CCDC7: variants seen among roughly 807,000 people sequenced by gnomAD.
CCDC7 encodes the protein coiled-coil domain-containing protein 7.
CCDC7 carries 183 observed loss-of-function variants against 196.9 expected under a neutral mutation model. The observed-to-expected ratio is 0.93, with a 90% confidence interval of 0.82 to 1.05. The LOEUF is 1.05. CCDC7 is among the 50% of genes least tolerant of loss of function. The probability of loss-of-function intolerance (pLI) is 0.00; values close to 1 mark genes in which losing one functional copy is unlikely to be tolerated. For missense variants in CCDC7, 1,540 were observed against 1,482.2 expected, an observed-to-expected ratio of 1.04 and a Z score of -0.64; for synonymous variants, 525 against 484.6, an observed-to-expected ratio of 1.08 and a Z score of -1.10.
At chr10:32,869,256 C>T (rs1170799159) in intron 41 of CCDC7, among the ~76,000 whole-genome samples, 2 of 152,148 alleles carry the variant, frequency 1.3e-5, no homozygotes, top group African/African-American at 4.8e-5. Flanking sequence ...TCAATGATCG[C>T]CATTCTAACT....
upstream of CCDC7, chr10:32,446,109 T>A (rs7908213): frequency 3.3e-5 from 5 of 152,044 alleles, no homozygotes; most frequent in African/African-American, 1.2e-4. Context: ...CGCCAAGGCG[T>A]CGTGGCGTCG....
intron 18 of CCDC7, among the ~76,000 whole-genome samples, chr10:32,611,135 T>C (rs1333899418): frequency 6.6e-6 from 1 of 152,260 alleles, no homozygotes; most frequent in African/African-American, 2.4e-5. Flanking sequence ...TGAGATGGTA[T>C]CTCATTGTGG....
At chr10:32,572,567 T>A (rs528692065) in intron 16 of CCDC7, among the ~76,000 whole-genome samples, 83 of 152,268 alleles carry the variant, frequency 5.5e-4, no homozygotes, top group African/African-American at 1.8e-3. Flanking sequence ...AAATGTTCAT[T>A]TTAAATGTTT....
intron 28 of CCDC7, among the ~76,000 whole-genome samples, chr10:32,768,005 G>C (rs531521124): frequency 6.6e-6 from 1 of 152,168 alleles, no homozygotes; most frequent in Admixed American, 6.5e-5. Context: ...CTCAACAGCA[G>C]AAGTGATCAA....
chr10:32,532,049 A>G (rs531213247), intron 11 of CCDC7, among the ~76,000 whole-genome samples: 1 of 151,940 alleles, frequency 6.6e-6, no homozygotes, highest in Non-Finnish European at 1.5e-5. Context: ...TTTCTGCTTT[A>G]ATCTTCATTA....
intron 21 of CCDC7, among the ~76,000 whole-genome samples, chr10:32,664,385 C>T (rs1305704632): frequency 6.6e-6 from 1 of 151,910 alleles, no homozygotes; most frequent in Admixed American, 6.6e-5. Context: ...TAAAATTTCT[C>T]TTAGCAATTT....
At chr10:32,523,207 GT>G (rs1311760926) in intron 11 of CCDC7, among the ~76,000 whole-genome samples, 1 of 152,136 alleles carries the variant, frequency 6.6e-6, no homozygotes, top group Non-Finnish European at 1.5e-5. Context: ...TAAGTTTGAT[GT>G]TTCTTTGTTG....
chr10:32,715,578 G>A (rs1462512680), intron 25 of CCDC7, among the ~76,000 whole-genome samples: 1 of 152,204 alleles, frequency 6.6e-6, no homozygotes, highest in Non-Finnish European at 1.5e-5. Context: ...GTAGGCTTCA[G>A]GAGGTGGGTA....
chr10:32,511,418 T>C, intron 9 of CCDC7: 1 of 1,610,340 alleles, frequency 6.2e-7, no homozygotes, highest in Non-Finnish European at 8.5e-7. Flanking sequence ...TCTGTCCAGC[T>C]TGCCAGCCTT....
chr10:32,760,488 C>T (rs1237122426), intron 28 of CCDC7, among the ~76,000 whole-genome samples: 5 of 152,018 alleles, frequency 3.3e-5, no homozygotes, highest in East Asian at 3.9e-4. Context: ...AGCAAACTAT[C>T]GCAAGGATAA....
chr10:32,712,302 G>A (rs1229870472), intron 25 of CCDC7, among the ~76,000 whole-genome samples: 2 of 152,186 alleles, frequency 1.3e-5, no homozygotes, highest in African/African-American at 2.4e-5. Context: ...TTTACTTTTC[G>A]AGTCAGAGCT....
chr10:32,802,633 C>T (rs927053105), intron 29 of CCDC7, among the ~76,000 whole-genome samples: 6 of 152,132 alleles, frequency 3.9e-5, no homozygotes, highest in African/African-American at 1.2e-4. Context: ...AGGTGAGGTT[C>T]CTCAGTAGGC....
At position 32,865,433 on chromosome 10, in the gene CCDC7, G is replaced by A. The variant is rs559845691; in HGVS notation, c.4112-10914G>A. 6.1e-3 allele frequency among the ~76,000 whole-genome samples: 885 copies of A among 146,122 alleles called. 3 individuals are homozygous for A. The highest frequency in any genetic ancestry group is 0.017 in the Middle Eastern group (5 of 290). ...CACACACACACACACACACACACAC[G>A]AGAATGGCTAAAGTTATAAAGTGAC... On this transcript the variant is annotated intron_variant, in intron 41 of 41. Coordinates refer to ENST00000639629, the Ensembl canonical transcript of CCDC7.
chr10:32,709,679 G>A (rs11009048), intron 24 of CCDC7, among the ~76,000 whole-genome samples: 1 of 151,880 alleles, frequency 6.6e-6, no homozygotes, highest in Non-Finnish European at 1.5e-5. Flanking sequence ...ACCTACTGCT[G>A]TGTGACCCGG....
At chr10:32,605,936 C>T (rs1302100003) in intron 18 of CCDC7, among the ~76,000 whole-genome samples, 1 of 152,194 alleles carries the variant, frequency 6.6e-6, no homozygotes, top group Non-Finnish European at 1.5e-5. Flanking sequence ...GAGCCAGGTG[C>T]TCATAGCCAA....
At chr10:32,446,964 TC>T (rs1564594705), upstream of CCDC7, among the ~76,000 whole-genome samples, 2 of 93,360 alleles carry the variant, frequency 2.1e-5, no homozygotes, top group African/African-American at 9.7e-5. Context: ...CCTCCCTCCC[TC>T]CCTCCCTCCC....
chr10:32,801,875 C>G (rs1441361152), intron 29 of CCDC7, among the ~76,000 whole-genome samples: 1 of 152,176 alleles, frequency 6.6e-6, no homozygotes, highest in Admixed American at 6.5e-5. Context: ...AGGCTGTTTC[C>G]TCCGCCCAAA....
At chr10:32,556,085 G>A (rs2054291907) in intron 13 of CCDC7, among the ~76,000 whole-genome samples, 1 of 152,212 alleles carries the variant, frequency 6.6e-6, no homozygotes, top group South Asian at 2.1e-4. Context: ...GGCCAACTGA[G>A]TTTCAAGAAG....
In CCDC7 at chr10:32,686,070, AC is replaced by A; in HGVS notation, c.2225del (p.Pro742HisfsTer28). On this transcript the variant is annotated frameshift_variant, in exon 22 of 42. Coordinates refer to ENST00000639629, the Ensembl canonical transcript of CCDC7. LOFTEE classifies it high-confidence loss of function. The stretch of plus-strand genomic sequence containing the variant: ...AGAAACAAGAAACTTCTACAGAGCA[AC>A]CACTCACCAGTAAGTATAAAAATTA... The A allele has an allele frequency of 7.0e-7, 1 of 1,426,318 alleles. No homozygotes were observed. The highest frequency in any genetic ancestry group is 1.4e-5 in the African/African-American group (1 of 70,350). The allele number at this position is 1,426,318 out of a possible 1,614,324, so 88.4% of individuals were successfully genotyped here. A position where few individuals can be genotyped will look rare whatever the true frequency, so the allele number is the denominator to read the frequency against.
Sources: allele counts gnomAD v4.1 joint callset (sites outside exome capture counted in the v4.1 genomes callset), GRCh38; gene constraint gnomAD v4.1.1; transcripts MANE v1.5; gene names NCBI Gene and HGNC (gene_info 2026-07-23, HGNC 2026-07-21).